Variants in SMPD3 observed in about 807,000 individuals in gnomAD.
The protein encoded by SMPD3 is sphingomyelin phosphodiesterase 3.
Under a neutral mutation model 55.7 loss-of-function variants are expected in SMPD3, and 21 were observed. The observed-to-expected ratio is 0.38, with a 90% CI of 0.27 to 0.54. The LOEUF is 0.54. Among genes scored for constraint, SMPD3 ranks in the 20% least tolerant of loss-of-function variants. The pLI is 0.80. For synonymous variants in SMPD3, 457 were observed against 404.3 expected, an observed-to-expected ratio of 1.13 and a Z score of -1.56; for missense variants, 842 against 899.6, an observed-to-expected ratio of 0.94 and a Z score of 0.82.
chr16:68,363,651 C>T, intron 6 of SMPD3, 92 bp from the exon 7 acceptor site: 1 of 1,466,470 alleles, frequency 6.8e-7, no homozygotes, highest in Non-Finnish European at 9.4e-7. Context: ...CGGGCTTCTG[C>T]TAGCCAGGGG....
chr16:68,436,260 T>A (rs976948379), intron 1 of SMPD3, among the ~76,000 whole-genome samples: 2 of 152,220 alleles, frequency 1.3e-5, no homozygotes, highest in African/African-American at 4.8e-5. Flanking sequence ...AGTATTCCAA[T>A]ACATTGGCTT....
intron 2 of SMPD3, among the ~76,000 whole-genome samples, chr16:68,379,587 T>TG (rs2089901949): frequency 6.6e-6 from 1 of 152,166 alleles, no homozygotes; most frequent in African/African-American, 2.4e-5. Context: ...CCCAGGTGCA[T>TG]GGCGAGGACA....
chr16:68,424,286 TC>T (rs989808847), intron 1 of SMPD3, among the ~76,000 whole-genome samples: 1 of 151,926 alleles, frequency 6.6e-6, no homozygotes, highest in Non-Finnish European at 1.5e-5. Context: ...AATCCTGAAC[TC>T]CCAGCCCCAG....
intron 1 of SMPD3, among the ~76,000 whole-genome samples, chr16:68,433,835 T>C (rs1484165107): frequency 6.6e-6 from 1 of 152,122 alleles, no homozygotes; most frequent in Admixed American, 6.5e-5. Flanking sequence ...AAACCCTATC[T>C]ATGAGAATGA....
intron 1 of SMPD3, among the ~76,000 whole-genome samples, chr16:68,434,445 G>T (rs1445205233): frequency 6.6e-6 from 1 of 152,130 alleles, no homozygotes; most frequent in Non-Finnish European, 1.5e-5. Context: ...CTTAAATTGT[G>T]CTTTGTCTGA....
At chr16:68,426,407 A>T (rs1567808305) in intron 1 of SMPD3, among the ~76,000 whole-genome samples, 1 of 152,166 alleles carries the variant, frequency 6.6e-6, no homozygotes, top group Non-Finnish European at 1.5e-5. Context: ...CACACTGACA[A>T]CCAGTTCATG....
chr16:68,429,967 T>C (rs2090466688), intron 1 of SMPD3, among the ~76,000 whole-genome samples: 1 of 152,060 alleles, frequency 6.6e-6, no homozygotes, highest in Non-Finnish European at 1.5e-5. Flanking sequence ...ATAAACCCAC[T>C]CCCCTCTTTG....
chr16:68,398,301 T>G (rs781142036), intron 1 of SMPD3, among the ~76,000 whole-genome samples: 1 of 152,192 alleles, frequency 6.6e-6, no homozygotes, highest in African/African-American at 2.4e-5. Flanking sequence ...TTTTATGTAG[T>G]TCTCAAATAA....
At chr16:68,432,212 T>G (rs955921238) in intron 1 of SMPD3, among the ~76,000 whole-genome samples, 2 of 152,210 alleles carry the variant, frequency 1.3e-5, no homozygotes, top group African/African-American at 2.4e-5. Flanking sequence ...AAGAGGAGAT[T>G]GCAAATTACA....
chr16:68,362,240 G>A (rs1474777312), intron 7 of SMPD3, among the ~76,000 whole-genome samples: 1 of 152,178 alleles, frequency 6.6e-6, no homozygotes, highest in African/African-American at 2.4e-5. Flanking sequence ...CTCTGCTTAT[G>A]TTACCAAGCC....
chr16:68,393,118 C>A (rs554137802), intron 1 of SMPD3, among the ~76,000 whole-genome samples: 12 of 152,040 alleles, frequency 7.9e-5, no homozygotes, highest in Admixed American at 7.9e-4. Flanking sequence ...GAAAATGGAC[C>A]AGGAGGCTGG....
intron 1 of SMPD3, among the ~76,000 whole-genome samples, chr16:68,409,893 A>G (rs971275830): frequency 2.6e-5 from 4 of 152,120 alleles, no homozygotes; most frequent in Admixed American, 6.5e-5. Context: ...CGCCCAGCCA[A>G]TGATTGGTTA....
At chr16:68,439,960 T>C (rs560419745) in intron 1 of SMPD3, among the ~76,000 whole-genome samples, 5 of 152,340 alleles carry the variant, frequency 3.3e-5, no homozygotes, top group African/African-American at 9.6e-5. Flanking sequence ...AATGCCCATT[T>C]TGCTACTTGC....
intron 2 of SMPD3, among the ~76,000 whole-genome samples, chr16:68,374,690 G>A (rs926979323): frequency 2.0e-5 from 3 of 152,154 alleles, no homozygotes; most frequent in Non-Finnish European, 4.4e-5. Context: ...CAGAGGGAGC[G>A]ACAGCCCACT....
At chr16:68,419,854 G>A (rs927755716) in intron 1 of SMPD3, among the ~76,000 whole-genome samples, 6 of 152,168 alleles carry the variant, frequency 3.9e-5, no homozygotes, top group African/African-American at 1.4e-4. Flanking sequence ...CAGACTGCCT[G>A]AGTTCCAGCT....
chr16:68,412,341 A>G (rs1321555609), intron 1 of SMPD3, among the ~76,000 whole-genome samples: 1 of 152,230 alleles, frequency 6.6e-6, no homozygotes, highest in Non-Finnish European at 1.5e-5. Context: ...ACCCACAGCC[A>G]GGGTGATAGC....
At chr16:68,392,526 T>C (rs1468757946) in intron 1 of SMPD3, among the ~76,000 whole-genome samples, 1 of 152,120 alleles carries the variant, frequency 6.6e-6, no homozygotes, top group Non-Finnish European at 1.5e-5. Flanking sequence ...AAGGTGGTCA[T>C]AAGGATGGGC....
chr16:68,361,888 A>G, intron 7 of SMPD3, 129 bp from the exon 8 acceptor site: 1 of 1,356,006 alleles, frequency 7.4e-7, no homozygotes, highest in Non-Finnish European at 9.8e-7. Context: ...GCTGGGTTTA[A>G]GATCTCTCCC....
rs562932263 is a variant in SMPD3, at chr16:68,365,054, G to A, written c.1362C>T (p.Val454=). 29 of 1,614,096 alleles carry A rather than the reference G, an allele frequency of 1.8e-5. No individual in the cohort carries two copies. The South Asian group carries it at 2.2e-4, about 12-fold the overall frequency. ...VGSTPQDQRI[V]GYIACTHLHA... ...GCAGGTGTGTGCAGGCGATGTACCC[G>A]ACGATTCTTTGGTCCTGAGGTGTGC... Residue 454 remains valine (V), a synonymous_variant, in exon 4 of 9, where the codon GTC becomes GTT. Coordinates refer to ENST00000219334, the MANE Select transcript of SMPD3 (RefSeq NM_018667.4).
Sources: allele counts gnomAD v4.1 joint callset (sites outside exome capture counted in the v4.1 genomes callset), GRCh38; gene constraint gnomAD v4.1.1; transcripts MANE v1.5; gene names NCBI Gene and HGNC (gene_info 2026-07-23, HGNC 2026-07-21).